RPS6KC1: variants seen among roughly 807,000 people sequenced by gnomAD.
RPS6KC1 encodes inactive ribosomal protein S6 kinase delta-1.
In RPS6KC1, 54 loss-of-function variants were observed where a neutral mutation model predicts 103.8. The observed-to-expected ratio is 0.52, with a 90% CI of 0.42 to 0.65. RPS6KC1 has a LOEUF of 0.65. RPS6KC1 is among the 30% of genes least tolerant of loss of function. The pLI is 0.00. For synonymous variants in RPS6KC1, 439 were observed against 438.7 expected (o/e 1.00, Z -0.01); for missense variants, 1,151 against 1,253.8 (o/e 0.92, Z 1.24).
chr1:213,407,811 T>C, the RPS6KC1 span, among the ~76,000 whole-genome samples: 1 of 152,212 alleles, frequency 6.6e-6, no homozygotes, highest in Non-Finnish European at 1.5e-5. Context: ...AGATATGTGT[T>C]CTGACTGGAC....
chr1:213,857,343 G>C, the RPS6KC1 span, among the ~76,000 whole-genome samples: 3 of 152,138 alleles, frequency 2.0e-5, no homozygotes, highest in Non-Finnish European at 4.4e-5. Flanking sequence ...CTCTACCAGG[G>C]CAAGAATCTT....
chr1:213,712,772 C>G, the RPS6KC1 span, among the ~76,000 whole-genome samples: 4 of 152,280 alleles, frequency 2.6e-5, no homozygotes, highest in South Asian at 8.3e-4. Context: ...GGAGGGAGTT[C>G]CCCGATCTCT....
the RPS6KC1 span, among the ~76,000 whole-genome samples, chr1:213,861,485 C>T: frequency 1.3e-5 from 2 of 152,210 alleles, no homozygotes; most frequent in Non-Finnish European, 2.9e-5. Context: ...AACAAACACA[C>T]TGACCAACAA....
At chr1:213,379,596 C>A in the RPS6KC1 span, among the ~76,000 whole-genome samples, 1 of 152,182 alleles carries the variant, frequency 6.6e-6, no homozygotes, top group Non-Finnish European at 1.5e-5. Flanking sequence ...GTTTGAACCT[C>A]CCAGTTTGTG....
intron 6 of RPS6KC1, among the ~76,000 whole-genome samples, chr1:213,142,684 C>T (rs1009895265): frequency 3.3e-5 from 5 of 151,994 alleles, no homozygotes; most frequent in African/African-American, 1.2e-4. Flanking sequence ...CAACCACTAC[C>T]CTGATCAGTC....
chr1:213,156,349 G>A (rs1328111043), intron 6 of RPS6KC1, among the ~76,000 whole-genome samples: 2 of 152,046 alleles, frequency 1.3e-5, no homozygotes, highest in African/African-American at 4.8e-5. Flanking sequence ...TAAAAAAAAG[G>A]ACTTCACTGA....
chr1:213,543,618 G>A, the RPS6KC1 span, among the ~76,000 whole-genome samples: 8 of 152,080 alleles, frequency 5.3e-5, no homozygotes, highest in Non-Finnish European at 8.8e-5. Flanking sequence ...GGATAAACGC[G>A]GATTTATTCC....
At chr1:213,725,236 G>A in the RPS6KC1 span, among the ~76,000 whole-genome samples, 2 of 152,324 alleles carry the variant, frequency 1.3e-5, no homozygotes, top group South Asian at 2.1e-4. Context: ...GTCTGTCCAC[G>A]GTGGTGAGGA....
chr1:213,076,589 G>A (rs1195400887), intron 2 of RPS6KC1, among the ~76,000 whole-genome samples: 2 of 151,356 alleles, frequency 1.3e-5, no homozygotes, highest in South Asian at 2.1e-4. Flanking sequence ...TCAAGGCCAT[G>A]TTTCAAATCC....
chr1:213,675,527 T>G, the RPS6KC1 span, among the ~76,000 whole-genome samples: 1 of 152,228 alleles, frequency 6.6e-6, no homozygotes. Context: ...TTATTTTTGT[T>G]GGTCTTACCC....
intron 12 of RPS6KC1, among the ~76,000 whole-genome samples, chr1:213,249,380 G>C (rs1400243699): frequency 1.3e-5 from 2 of 152,184 alleles, no homozygotes; most frequent in Non-Finnish European, 2.9e-5. Flanking sequence ...CTTCTGAGCA[G>C]TTCTTCACAA....
chr1:213,098,925 C>T (rs182801403), intron 3 of RPS6KC1, among the ~76,000 whole-genome samples: 15 of 152,184 alleles, frequency 9.9e-5, no homozygotes, highest in African/African-American at 2.4e-4. Context: ...CTGTAAACCT[C>T]GGGAAAAATT....
Position 213,129,902 on chromosome 1 carries a change from G to T in RPS6KC1, c.835+13G>T. The T allele has an allele frequency of 3.2e-6, 5 of 1,563,354 alleles. No homozygotes were observed. Among genetic ancestry groups the T allele is most frequent in the Non-Finnish European group, 4.3e-6 (5 of 1,164,416 alleles). On this transcript the variant is annotated intron_variant, in intron 6 of 14. Coordinates refer to ENST00000366960, the MANE Select transcript of RPS6KC1 (RefSeq NM_012424.6). ...GAAGGTGTTCAAGGTATGGTTTTAT[G>T]TATATTATGTTTTGGCATGCTCTTT...
intron 8 of RPS6KC1, among the ~76,000 whole-genome samples, chr1:213,217,893 A>G (rs1056934239): frequency 3.9e-5 from 6 of 152,238 alleles, no homozygotes; most frequent in African/African-American, 1.4e-4. Context: ...AGAGCTGTCT[A>G]TGACAAACCC....
At chr1:213,232,393 C>T (rs771830899) in intron 10 of RPS6KC1, 138 bp downstream of exon 10, 9 of 1,066,224 alleles carry the variant, frequency 8.4e-6, no homozygotes, top group Non-Finnish European at 1.3e-5. Flanking sequence ...TGCTCTACCT[C>T]CCTACTTTGA....
chr1:213,082,300 A>C (rs2079972270), intron 3 of RPS6KC1, among the ~76,000 whole-genome samples: 1 of 152,092 alleles, frequency 6.6e-6, no homozygotes, highest in African/African-American at 2.4e-5. Context: ...GCGTGGTGGC[A>C]GGTGCCTGTA....
At chr1:213,359,200 C>T in the RPS6KC1 span, among the ~76,000 whole-genome samples, 10 of 152,064 alleles carry the variant, frequency 6.6e-5, no homozygotes, top group East Asian at 1.9e-4. Flanking sequence ...TAAGTCTCCT[C>T]GTAGGTCTCT....
At chr1:213,516,493 G>GT in the RPS6KC1 span, among the ~76,000 whole-genome samples, 1 of 152,178 alleles carries the variant, frequency 6.6e-6, no homozygotes, top group Non-Finnish European at 1.5e-5. Flanking sequence ...ATAATCATGT[G>GT]TTTTTTGTCG....
the RPS6KC1 span, among the ~76,000 whole-genome samples, chr1:213,504,557 T>A: frequency 1.3e-5 from 2 of 152,222 alleles, no homozygotes; most frequent in Non-Finnish European, 2.9e-5. Context: ...CTGGAGCACA[T>A]CCTCAAGTAA....
Sources: allele counts gnomAD v4.1 joint callset (sites outside exome capture counted in the v4.1 genomes callset), GRCh38; gene constraint gnomAD v4.1.1; transcripts MANE v1.5; gene names NCBI Gene and HGNC (gene_info 2026-07-23, HGNC 2026-07-21).